CHST15: variants seen among roughly 807,000 people sequenced by gnomAD.
CHST15 encodes the protein B cell RAG associated protein (GALNAC4S-6ST).
A neutral mutation model predicts 53.6 loss-of-function variants in CHST15; 30 were observed. That is an observed-to-expected ratio of 0.56 (90% CI 0.42 to 0.76). The LOEUF (loss-of-function observed/expected upper bound fraction) is 0.76, where lower values mean the gene tolerates loss of function less well. Among genes scored for constraint, CHST15 ranks in the 30% least tolerant of loss-of-function variants. The pLI, the probability that CHST15 is intolerant of heterozygous loss-of-function variation, is 0.00. For missense variants in CHST15, 627 were observed against 740.5 expected, an observed-to-expected ratio of 0.85 and a Z score of 1.78; for synonymous variants, 296 against 289.8, an observed-to-expected ratio of 1.02 and a Z score of -0.22.
At chr10:124,052,180 A>G (rs1195602116) in intron 1 of CHST15, among the ~76,000 whole-genome samples, 5 of 152,240 alleles carry the variant, frequency 3.3e-5, no homozygotes, top group African/African-American at 1.2e-4. Flanking sequence ...TAGGCTATAT[A>G]TATGGAAATA....
At chr10:124,063,949 T>G (rs1222960723) in intron 1 of CHST15, among the ~76,000 whole-genome samples, 1 of 152,216 alleles carries the variant, frequency 6.6e-6, no homozygotes, top group South Asian at 2.1e-4. Flanking sequence ...CTCAGTGCTA[T>G]GTAAACATGA....
At chr10:124,058,890 C>T (rs965651105) in intron 1 of CHST15, among the ~76,000 whole-genome samples, 1 of 152,166 alleles carries the variant, frequency 6.6e-6, no homozygotes, top group Non-Finnish European at 1.5e-5. Context: ...AGACACCAGG[C>T]TGGGGTTGAT....
Position 124,021,247 on chromosome 10 carries a change from G to C in CHST15, c.1347+9C>G, listed in dbSNP as rs772494980. The C allele has an allele frequency of 7.1e-6, 11 of 1,543,152 alleles. No individual in the cohort carries two copies. The Admixed American group carries it at 1.2e-4, about 17-fold the overall frequency. On this transcript the variant is annotated intron_variant, in intron 6 of 7. Transcript: ENST00000435907. The stretch of plus-strand genomic sequence containing the variant: ...CAGCTCGGGGGGTACGGGGGGGGGG[G>C]GTACACACAGGCATGGCGTTGTTGA...
At chr10:124,089,291 C>A (rs895453519) in intron 1 of CHST15, among the ~76,000 whole-genome samples, 1 of 152,240 alleles carries the variant, frequency 6.6e-6, no homozygotes, top group Non-Finnish European at 1.5e-5. Context: ...AAGTCAGCTA[C>A]CACTTTTAAA....
In CHST15 at chr10:124,044,858, T is replaced by G; in HGVS notation, c.608A>C (p.Glu203Ala). The part of the protein sequence containing the change: ...PNSKSPCWYE[E>A]FSGQNTTDPY... ...GTCGGTGGTGTTCTGCCCCGAGAAC[T>G]CCTCGTACCAACAGGGGCTCTTACT... is the stretch of plus-strand genomic sequence containing the variant. The change falls in exon 3 of 8, where the codon GAG becomes GCG. Residue 203 changes from glutamate to alanine, a missense_variant. Glu to Ala is a moderately radical substitution (Grantham distance 107). Coordinates refer to ENST00000435907, the MANE Select transcript of CHST15 (RefSeq NM_001270764.2). 1 of 1,491,894 alleles carries G rather than the reference T, an allele frequency of 6.7e-7. No individual in the cohort carries two copies. The highest frequency in any genetic ancestry group is 1.4e-5 in the South Asian group (1 of 73,940). 92.4% of individuals were successfully genotyped at this position (1,491,894 alleles called of 1,614,324 possible). A position where few individuals can be genotyped will look rare whatever the true frequency, so the allele number is the denominator to read the frequency against.
At chr10:124,077,850 G>A (rs1463498633) in intron 1 of CHST15, among the ~76,000 whole-genome samples, 1 of 152,308 alleles carries the variant, frequency 6.6e-6, no homozygotes, top group South Asian at 2.1e-4. Context: ...ACAGAGGGAG[G>A]CAGGCACAGC....
At chr10:124,055,878 A>G (rs1948362016) in intron 1 of CHST15, among the ~76,000 whole-genome samples, 1 of 152,200 alleles carries the variant, frequency 6.6e-6, no homozygotes, top group East Asian at 1.9e-4. Context: ...ATTCTACTGC[A>G]GTCATTCACA....
At chr10:124,065,335 T>TC (rs1286733144) in intron 1 of CHST15, among the ~76,000 whole-genome samples, 2 of 152,174 alleles carry the variant, frequency 1.3e-5, no homozygotes, top group Non-Finnish European at 2.9e-5. Context: ...TGAGCCATGA[T>TC]CATGCCACTT....
rs557005808 is a variant in CHST15 at position 124,036,148 on chromosome 10, G to A, written c.1190+2367C>T. Among the ~76,000 whole-genome samples the A allele has an allele frequency of 6.6e-5, 10 of 152,348 alleles. No individual in the cohort carries two copies. The highest frequency in any genetic ancestry group is 2.2e-4 in the African/African-American group (9 of 41,578). On this transcript the variant is annotated intron_variant, in intron 5 of 7. Transcript: ENST00000435907. The surrounding 1 kb of genome is among the most constrained non-coding windows in gnomAD (Gnocchi z 5.1). ...TTCAGCTGGGGGCCGTGTCGGGGAGGGAGGCAGAGCAGCTATGCAAACACC... is the reference window on the plus strand; with the variant it reads ...TTCAGCTGGGGGCCGTGTCGGGGAGAGAGGCAGAGCAGCTATGCAAACACC...
intron 3 of CHST15, 127 bp downstream of exon 3, chr10:124,044,453 T>TC: frequency 2.6e-6 from 2 of 761,098 alleles, no homozygotes; most frequent in South Asian, 4.3e-5. Context: ...GGGAACAGCC[T>TC]CCTAACAAGG....
rs1947771520 is a variant in CHST15, at chr10:124,042,346, C to A, written c.988G>T (p.Ala330Ser). ...AAHQIHQGLQ[A>S]SSAKEQSKMN... ...TTGCTCTGCTCCTTTGCAGAGCTGG[C>A]CTGCAGTCCTTGATGGATCTGGTGT... Residue 330 changes from alanine (A) to serine (S), a missense_variant, in exon 4 of 8, where the codon GCC becomes TCC. By Grantham distance (99) the Ala-to-Ser change is moderately conservative. This residue lies in a region of CHST15 where 279 missense variants were observed against 371.6 expected (regional missense o/e 0.75). Transcript: ENST00000435907. 1 of 1,614,054 alleles carries A rather than the reference C, an allele frequency of 6.2e-7. No individual in the cohort carries two copies. Among genetic ancestry groups the A allele is most frequent in the African/African-American group, 1.3e-5 (1 of 74,932 alleles).
chr10:124,065,041 C>A (rs1263363559), intron 1 of CHST15, among the ~76,000 whole-genome samples: 1 of 152,148 alleles, frequency 6.6e-6, no homozygotes, highest in African/African-American at 2.4e-5. Context: ...AAAAACATAG[C>A]CCAGTCATAA....
chr10:124,028,673 C>T (rs142254861), intron 5 of CHST15, among the ~76,000 whole-genome samples: 294 of 152,332 alleles, frequency 1.9e-3, no homozygotes, highest in African/African-American at 6.7e-3. Flanking sequence ...GGCACCCAAA[C>T]GCACAAGCTT....
intron 3 of CHST15, among the ~76,000 whole-genome samples, chr10:124,044,102 C>G (rs996340586): frequency 1.3e-5 from 2 of 149,594 alleles, no homozygotes; most frequent in Non-Finnish European, 1.5e-5. Flanking sequence ...GAGCAGGGAA[C>G]GGCACAGAGC....
intron 6 of CHST15, among the ~76,000 whole-genome samples, chr10:124,013,489 G>A (rs1208528601): frequency 6.6e-6 from 1 of 152,188 alleles, no homozygotes; most frequent in Non-Finnish European, 1.5e-5. Context: ...TCTGCCCCCT[G>A]CACTTCCTCT....
At chr10:124,062,620 C>T (rs999834043) in intron 1 of CHST15, among the ~76,000 whole-genome samples, 1 of 152,166 alleles carries the variant, frequency 6.6e-6, no homozygotes, top group Non-Finnish European at 1.5e-5. Context: ...ACCACCACCA[C>T]CAGCAGCCTC....
chr10:124,032,376 G>A (rs1449943673), intron 5 of CHST15, among the ~76,000 whole-genome samples: 2 of 152,084 alleles, frequency 1.3e-5, no homozygotes, highest in African/African-American at 4.8e-5. Flanking sequence ...CATAGACACG[G>A]TAAAATCCTT....
At chr10:124,059,199 T>A (rs760049282) in intron 1 of CHST15, among the ~76,000 whole-genome samples, 3 of 152,206 alleles carry the variant, frequency 2.0e-5, no homozygotes, top group Non-Finnish European at 4.4e-5. Context: ...GTTCCATGGG[T>A]GCAGTGATCT....
At chr10:124,017,991 C>T (rs563965886) in intron 6 of CHST15, among the ~76,000 whole-genome samples, 3 of 152,330 alleles carry the variant, frequency 2.0e-5, no homozygotes, top group Admixed American at 6.5e-5. Context: ...CGGCTGGGGC[C>T]GGGAACCACC....
Sources: gnomAD v4.1 joint callset for allele counts (sites outside exome capture counted in the v4.1 genomes callset) on GRCh38, gnomAD v4.1.1 for gene constraint, gnomAD v4.1.1 regional missense constraint, Gnocchi (gnomAD v3.1) non-coding constraint, MANE v1.5 for transcripts, NCBI Gene and HGNC (gene_info 2026-07-23, HGNC 2026-07-21) for gene names.